The following SYCP2 variants were observed in gnomAD, a reference collection of about 807,000 sequenced individuals.
The protein encoded by SYCP2 is synaptonemal complex lateral element protein.
In SYCP2, 55 loss-of-function variants were observed where a neutral mutation model predicts 211.3. The observed-to-expected ratio is 0.26, with a 90% CI of 0.21 to 0.33. SYCP2 has a LOEUF of 0.33. SYCP2 is among the 10% of genes least tolerant of loss of function. SYCP2 has a pLI of 1.00. For synonymous variants in SYCP2, 570 were observed against 555.2 expected, an observed-to-expected ratio of 1.03 and a Z score of -0.37; for missense variants, 1,731 against 1,752.0, an observed-to-expected ratio of 0.99 and a Z score of 0.21.
rs746798752 is a variant in SYCP2 at position 59,892,753 on chromosome 20, T to TA, written c.1794-53dup. 3 of 1,530,066 alleles carry TA rather than the reference T, an allele frequency of 2.0e-6. No individual in the cohort carries two copies. The Admixed American group carries it at 6.4e-5, about 33-fold the overall frequency. The allele number at this position is 1,530,066 out of a possible 1,614,324, so 94.8% of individuals were successfully genotyped here. ...GTTACAAAACATTAGCCTGTGACTT[T>TA]AAGACCTTGATTTTTAATGTAGTCA... On this transcript the variant is annotated intron_variant, in intron 22 of 44. Transcript: ENST00000357552.
intron 27 of SYCP2, 39 bp from the exon 28 acceptor site, chr20:59,882,041 T>G: frequency 6.2e-7 from 1 of 1,606,720 alleles, no homozygotes; most frequent in South Asian, 1.1e-5. Flanking sequence ...CACTTAAATA[T>G]GTGTAGTCTC....
chr20:59,932,990 G>C (rs544632852), intron 1 of SYCP2, among the ~76,000 whole-genome samples: 2 of 151,396 alleles, frequency 1.3e-5, no homozygotes, highest in Non-Finnish European at 2.9e-5. Context: ...TCCCACCGCC[G>C]GCACGGTGAC....
rs1327131508 is a variant in SYCP2, at chr20:59,894,570, TACATATTTATGA to T, written c.1665+855_1665+866del. On this transcript the variant is annotated intron_variant, in intron 20 of 44. Coordinates refer to ENST00000357552, the MANE Select transcript of SYCP2 (RefSeq NM_014258.4). Reference sequence around the variant, plus strand: ...AGACTACTAAGCTTTGAGAAAATTGTACATATTTATGAACATATTTATGCTATAAAATTCATA... The same window carrying T: ...AGACTACTAAGCTTTGAGAAAATTGTACATATTTATGCTATAAAATTCATA... Among the ~76,000 whole-genome samples the T allele has an allele frequency of 1.2e-4, 18 of 152,178 alleles. No homozygotes were observed. In the South Asian group the frequency reaches 3.5e-3, roughly 30 times the overall value.
chr20:59,923,615 T>C (rs914314233), intron 2 of SYCP2, among the ~76,000 whole-genome samples: 13 of 151,794 alleles, frequency 8.6e-5, no homozygotes, highest in Admixed American at 3.3e-4. Flanking sequence ...GGGTGAGAAA[T>C]TGCTTGAGCC....
At position 59,868,533 on chromosome 20, in the gene SYCP2, T is replaced by C. The variant is rs768028720; in HGVS notation, c.3868A>G (p.Ile1290Val). The stretch of plus-strand genomic sequence containing the variant: ...TTGGAATTACTTAGATTATCTTCTA[T>C]ATATATTCTTTTGCGACTAAGATGT... ...TQHLSRKRIY[I>V]EDNLSNSNEV... Residue 1290 changes from isoleucine (I) to valine (V), a missense_variant, in exon 38 of 45, where the codon ATA becomes GTA. Physicochemically the swap from Ile to Val is conservative, Grantham distance 29 (BLOSUM62 3). This residue lies in a region of SYCP2 where 1,387 missense variants were observed against 1,351.3 expected (regional missense o/e 1.03). Transcript: ENST00000357552. The C allele has an allele frequency of 2.5e-6, 4 of 1,607,664 alleles. No individual in the cohort carries two copies. The highest frequency in any genetic ancestry group is 3.3e-4 in the Middle Eastern group (2 of 6,008).
intron 38 of SYCP2, 115 bp from the exon 39 acceptor site, chr20:59,867,962 G>T: frequency 2.9e-6 from 2 of 693,854 alleles, no homozygotes; most frequent in Non-Finnish European, 2.3e-6. Flanking sequence ...GTAACCTAAG[G>T]ATTATGAAAT....
intron 34 of SYCP2, among the ~76,000 whole-genome samples, chr20:59,875,013 T>C (rs2059527689): frequency 6.6e-6 from 1 of 152,030 alleles, no homozygotes; most frequent in Non-Finnish European, 1.5e-5. Flanking sequence ...TAAGTTATAA[T>C]TTGTGAATAT....
In SYCP2 at chr20:59,919,568, G is replaced by T. The variant is rs1010514916; in HGVS notation, c.327C>A (p.Asp109Glu). The change falls in exon 6 of 45, where the codon GAC becomes GAA. Residue 109 changes from aspartate to glutamate, a missense_variant. Physicochemically the swap from Asp to Glu is conservative, Grantham distance 45. Transcript: ENST00000357552. The stretch of plus-strand genomic sequence containing the variant: ...TTGAATTTCCTTGACTCTGAATAAT[G>T]TCCTTGGATTTTTCAAACCAGGCAA... ...KMVAWFEKSK[D>E]IIQSQGNSKD... is the part of the protein sequence containing the mutation. 2 of 1,608,514 alleles carry T rather than the reference G, an allele frequency of 1.2e-6. No individual in the cohort carries two copies. Among genetic ancestry groups the T allele is most frequent in the African/African-American group, 2.7e-5 (2 of 74,556 alleles).
chr20:59,929,914 T>G (rs901975777), intron 2 of SYCP2, among the ~76,000 whole-genome samples: 1 of 152,140 alleles, frequency 6.6e-6, no homozygotes, highest in African/African-American at 2.4e-5. Flanking sequence ...AGAATACAAT[T>G]GATTAAATTA....
chr20:59,871,991 T>C (rs1469849349), intron 35 of SYCP2, among the ~76,000 whole-genome samples: 1 of 152,002 alleles, frequency 6.6e-6, no homozygotes, highest in African/African-American at 2.4e-5. Flanking sequence ...GGGTTTCAAA[T>C]TGTGGTCTGT....
At chr20:59,932,901 GGAA>G (rs2060791753) in intron 1 of SYCP2, among the ~76,000 whole-genome samples, 1 of 152,092 alleles carries the variant, frequency 6.6e-6, no homozygotes, top group South Asian at 2.1e-4. Context: ...CCGAGCAGGA[GGAA>G]GGTTTTGCGC....
chr20:59,899,419 A>G (rs1250044933), intron 18 of SYCP2, among the ~76,000 whole-genome samples: 1 of 152,228 alleles, frequency 6.6e-6, no homozygotes, highest in African/African-American at 2.4e-5. Context: ...ATGCAGCTAT[A>G]GAATTTTGAA....
chr20:59,888,931 T>C (rs1358708972), intron 24 of SYCP2, among the ~76,000 whole-genome samples: 1 of 151,864 alleles, frequency 6.6e-6, no homozygotes, highest in Non-Finnish European at 1.5e-5. Flanking sequence ...TAACAAAACA[T>C]GTACGAGAGA....
In SYCP2 at chr20:59,914,162, T is replaced by C. The variant is rs1324071876; in HGVS notation, c.724A>G (p.Met242Val). The part of the protein sequence containing the change: ...RQELAHQWFS[M>V]DFIAKAFKRI... ...TTAAATGCCTTAGCAATAAAATCCA[T>C]TGAAAACCACTGATGTGCCAGTTCT... The change falls in exon 11 of 45, where the codon ATG becomes GTG. Residue 242 changes from methionine (M) to valine (V), a missense_variant. Transcript: ENST00000357552. 2 of 1,606,118 alleles carry C rather than the reference T, an allele frequency of 1.2e-6. No homozygotes were observed. The highest frequency in any genetic ancestry group is 1.7e-5 in the Admixed American group (1 of 59,874).
chr20:59,881,844 G>T (rs2059689399), intron 28 of SYCP2, 101 bp downstream of exon 28: 10 of 837,050 alleles, frequency 1.2e-5, no homozygotes, highest in Middle Eastern at 3.6e-4. Context: ...AAATTTTAAA[G>T]CATATGAGGA....
intron 14 of SYCP2, among the ~76,000 whole-genome samples, 200 bp from the exon 15 acceptor site, chr20:59,907,624 A>C (rs2060237039): frequency 6.6e-6 from 1 of 152,210 alleles, no homozygotes; most frequent in Non-Finnish European, 1.5e-5. Flanking sequence ...CATTATTAAA[A>C]CGAAATGATG....
At chr20:59,892,899 C>T (rs1252551995) in intron 22 of SYCP2, among the ~76,000 whole-genome samples, 198 bp from the exon 23 acceptor site, 1 of 151,908 alleles carries the variant, frequency 6.6e-6, no homozygotes, top group Non-Finnish European at 1.5e-5. Flanking sequence ...TATATTTCTA[C>T]ACATTCATTG....
At chr20:59,925,382 C>T (rs2060615648) in intron 2 of SYCP2, among the ~76,000 whole-genome samples, 1 of 152,044 alleles carries the variant, frequency 6.6e-6, no homozygotes, top group Admixed American at 6.6e-5. Flanking sequence ...TTGATTTTCT[C>T]AATCCATGAG....
chr20:59,907,598 A>G (rs1389964739), intron 14 of SYCP2, among the ~76,000 whole-genome samples, 174 bp from the exon 15 acceptor site: 1 of 152,188 alleles, frequency 6.6e-6, no homozygotes, highest in African/African-American at 2.4e-5. Context: ...CACATGTTAT[A>G]TTTAATGTAT....
Sources: allele counts gnomAD v4.1 joint callset (sites outside exome capture counted in the v4.1 genomes callset), GRCh38; gene constraint gnomAD v4.1.1; regional missense constraint gnomAD v4.1.1; transcripts MANE v1.5; gene names NCBI Gene and HGNC (gene_info 2026-07-23, HGNC 2026-07-21).